Variants in MAGI2 observed in about 807,000 individuals in gnomAD.
MAGI2 encodes the protein membrane associated guanylate kinase, WW and PDZ domain containing 2.
In MAGI2, 35 loss-of-function variants were observed where a neutral mutation model predicts 133.3. The observed-to-expected ratio is 0.26, with a 90% CI of 0.20 to 0.35. The LOEUF (loss-of-function observed/expected upper bound fraction) is 0.35. Among genes scored for constraint, MAGI2 ranks in the 10% least tolerant of loss-of-function variants. The pLI, the probability that MAGI2 is intolerant of heterozygous loss-of-function variation, is 1.00. For missense variants in MAGI2, 1,636 were observed against 1,863.4 expected (o/e 0.88, Z 2.25); for synonymous variants, 729 against 710.6 (o/e 1.03, Z -0.41).
intron 2 of MAGI2, among the ~76,000 whole-genome samples, chr7:78,924,524 C>G (rs1247698687): frequency 6.6e-6 from 1 of 152,204 alleles, no homozygotes; most frequent in Admixed American, 6.5e-5. Context: ...TTGAACCAGC[C>G]TTGCATCCCA....
chr7:79,411,214 T>A (rs1846118714), intron 1 of MAGI2: 1 of 151,338 alleles, frequency 6.6e-6, no homozygotes, highest in African/African-American at 2.4e-5. Context: ...GTAGGCAGAA[T>A]AATGGCTCCC....
chr7:78,341,211 A>G (rs983809874), intron 9 of MAGI2, among the ~76,000 whole-genome samples: 1 of 152,194 alleles, frequency 6.6e-6, no homozygotes, highest in Non-Finnish European at 1.5e-5. Flanking sequence ...CCCATTCAAA[A>G]CTGCTACAAA....
At chr7:79,071,300 G>T (rs1302266560) in intron 1 of MAGI2, among the ~76,000 whole-genome samples, 1 of 152,192 alleles carries the variant, frequency 6.6e-6, no homozygotes, top group African/African-American at 2.4e-5. Flanking sequence ...AAAGATTGCT[G>T]GATGTTCCTT....
At chr7:78,987,005 T>C (rs1417829487) in intron 2 of MAGI2, among the ~76,000 whole-genome samples, 1 of 151,800 alleles carries the variant, frequency 6.6e-6, no homozygotes, top group Non-Finnish European at 1.5e-5. Flanking sequence ...CAAACAAACA[T>C]GTTCAGAGCA....
chr7:78,355,287 A>T (rs1042719337), intron 7 of MAGI2, among the ~76,000 whole-genome samples: 15 of 152,226 alleles, frequency 9.9e-5, no homozygotes, highest in African/African-American at 3.1e-4. Context: ...GTGATGTTGG[A>T]TATTTCTGAA....
intron 1 of MAGI2, among the ~76,000 whole-genome samples, chr7:79,101,699 G>T (rs1275698990): frequency 7.3e-6 from 1 of 137,544 alleles, no homozygotes; most frequent in Admixed American, 8.1e-5. Context: ...ACTCCAGCAG[G>T]TGCTACAGAG....
intron 9 of MAGI2, among the ~76,000 whole-genome samples, chr7:78,327,151 G>T (rs532801486): frequency 1.3e-5 from 2 of 152,296 alleles, no homozygotes; most frequent in Non-Finnish European, 2.9e-5. Flanking sequence ...TTGACACTGG[G>T]TATTCCTTGC....
intron 1 of MAGI2, among the ~76,000 whole-genome samples, chr7:79,090,727 GC>G: frequency 6.6e-6 from 1 of 152,262 alleles, no homozygotes. Context: ...GTGTGTTTAA[GC>G]CTTCTGTCAC....
At chr7:78,775,848 C>T (rs978147457) in intron 2 of MAGI2, among the ~76,000 whole-genome samples, 3 of 152,162 alleles carry the variant, frequency 2.0e-5, no homozygotes, top group Admixed American at 2.0e-4. Flanking sequence ...ACAATTAACA[C>T]TGTATTGTAT....
rs118047284 is a variant in MAGI2 at position 79,267,716 on chromosome 7, G to T, written c.301+185304C>A. Among the ~76,000 whole-genome samples, 63 of 152,190 alleles carry T rather than the reference G, an allele frequency of 4.1e-4. No homozygotes were observed. The East Asian group carries it at 0.012, about 28-fold the overall frequency. ...ATAAACTGACAATAGACAGATAGAA[G>T]GAGAAAAGACATAGAAAGTTATTAA... On this transcript the variant is annotated intron_variant, in intron 1 of 21. Coordinates refer to ENST00000354212, the MANE Select transcript of MAGI2 (RefSeq NM_012301.4).
chr7:78,836,577 A>T (rs1791633071), intron 2 of MAGI2, among the ~76,000 whole-genome samples: 1 of 152,228 alleles, frequency 6.6e-6, no homozygotes, highest in South Asian at 2.1e-4. Context: ...ATTTTAATAT[A>T]CATCTTTCCA....
intron 2 of MAGI2, among the ~76,000 whole-genome samples, chr7:78,746,742 A>G (rs1363440079): frequency 6.6e-6 from 1 of 152,186 alleles, no homozygotes; most frequent in African/African-American, 2.4e-5. Flanking sequence ...AATGTTTTAT[A>G]CAGGTATCAG....
intron 2 of MAGI2, among the ~76,000 whole-genome samples, chr7:78,798,356 A>G (rs62467660): frequency 0.46 from 70,357 of 151,924 alleles, 17,116 homozygotes; most frequent in South Asian, 0.57. Flanking sequence ...AAATTCAGTG[A>G]TATAAGTTAT....
At position 78,994,285 on chromosome 7, in the gene MAGI2, T is replaced by C. The variant is rs113510497; in HGVS notation, c.418+12805A>G. On this transcript the variant is annotated intron_variant, in intron 2 of 21. Transcript: ENST00000354212. ...ACAGGAATTCTGAAGTGAACAGCACTGCTGTCTCTGTTTTGATTACCTCCA... is the reference window on the plus strand; with the variant it reads ...ACAGGAATTCTGAAGTGAACAGCACCGCTGTCTCTGTTTTGATTACCTCCA... Among the ~76,000 whole-genome samples the C allele has an allele frequency of 9.9e-3, 1,512 of 152,236 alleles. 27 individuals are homozygous for C. The highest frequency in any genetic ancestry group is 0.035 in the African/African-American group (1,445 of 41,568).
intron 1 of MAGI2, among the ~76,000 whole-genome samples, chr7:79,191,998 T>C (rs1827714405): frequency 6.6e-6 from 1 of 151,870 alleles, no homozygotes. Context: ...TTTTCAGTCC[T>C]ATGGCTAGTT....
chr7:78,298,569 T>C (rs1319692266), intron 9 of MAGI2, among the ~76,000 whole-genome samples: 1 of 152,182 alleles, frequency 6.6e-6, no homozygotes, highest in Non-Finnish European at 1.5e-5. Flanking sequence ...AATGGTGTGA[T>C]CTCTGCTCAC....
chr7:78,942,900 A>C (rs1282502556), intron 2 of MAGI2, among the ~76,000 whole-genome samples: 3 of 151,980 alleles, frequency 2.0e-5, no homozygotes, highest in East Asian at 1.9e-4. Flanking sequence ...GTGAAAAAAA[A>C]AAAAACAAAA....
At chr7:79,108,239 C>T (rs887679066) in intron 1 of MAGI2, among the ~76,000 whole-genome samples, 11 of 152,082 alleles carry the variant, frequency 7.2e-5, no homozygotes, top group African/African-American at 2.4e-4. Flanking sequence ...AAAGAATGGG[C>T]TAGTCCTATC....
At chr7:79,057,397 G>T (rs1264159307) in intron 1 of MAGI2, among the ~76,000 whole-genome samples, 2 of 152,122 alleles carry the variant, frequency 1.3e-5, no homozygotes, top group East Asian at 3.9e-4. Context: ...TATTTTAAAG[G>T]TTAAAAAAAT....
Sources: allele counts gnomAD v4.1 joint callset (sites outside exome capture counted in the v4.1 genomes callset), GRCh38; gene constraint gnomAD v4.1.1; transcripts MANE v1.5; gene names NCBI Gene and HGNC (gene_info 2026-07-23, HGNC 2026-07-21).